PARG: variants seen among roughly 807,000 people sequenced by gnomAD.
PARG encodes the protein poly(ADP-ribose) glycohydrolase, also known as mitochondrial poly(ADP-ribose) glycohydrolase.
In PARG, 35 loss-of-function variants were observed where a neutral mutation model predicts 113.0. The observed-to-expected ratio is 0.31, with a 90% CI of 0.24 to 0.41. PARG has a LOEUF of 0.41. PARG is among the 10% of genes least tolerant of loss of function. The pLI is 1.00. For synonymous variants in PARG, 330 were observed against 409.9 expected (o/e 0.81, Z 2.36); for missense variants, 797 against 1,169.4 (o/e 0.68, Z 4.64).
Position 49,933,803 on chromosome 10 carries a change from C to G in PARG, c.645G>C (p.Lys215Asn). 6.2e-7 allele frequency: 1 copy of G among 1,613,414 alleles called. No individual in the cohort carries two copies. The highest frequency in any genetic ancestry group is 8.5e-7 in the Non-Finnish European group (1 of 1,179,400). The change falls in exon 3 of 18, where the codon AAG (lysine) becomes AAC (asparagine). Residue 215 changes from lysine (K) to asparagine (N), a missense_variant. By Grantham distance (94) the Lys-to-Asn change is moderately conservative. Transcript: ENST00000616448. ...RDNQQFLTTV[K>N]LANAKQTTED... ...CTGTAGTCTGCTTTGCATTTGCAAG[C>G]TTTACAGTTGTGAGAAACTGTTGAT...
chr10:49,856,513 A>C (rs1395449843), intron 13 of PARG, among the ~76,000 whole-genome samples: 37 of 152,248 alleles, frequency 2.4e-4, no homozygotes, highest in African/African-American at 8.9e-4. Flanking sequence ...AGGATTCAAA[A>C]TAGGGTAAAC....
intron 7 of PARG, among the ~76,000 whole-genome samples, chr10:49,906,118 C>T (rs1404652317): frequency 6.7e-6 from 1 of 149,174 alleles, no homozygotes; most frequent in Admixed American, 6.7e-5. Context: ...CTGGTAGGTG[C>T]TTTCCCTGAG....
At chr10:49,840,172 T>C (rs530458359) in intron 15 of PARG, among the ~76,000 whole-genome samples, 4 of 152,080 alleles carry the variant, frequency 2.6e-5, no homozygotes, top group Non-Finnish European at 5.9e-5. Context: ...AGGAGATCAC[T>C]TGAGCCCAGG....
At chr10:49,882,728 T>C (rs1195653545) in intron 8 of PARG, among the ~76,000 whole-genome samples, 2 of 145,948 alleles carry the variant, frequency 1.4e-5, no homozygotes, top group Non-Finnish European at 3.0e-5. Flanking sequence ...ATGAACTACA[T>C]ATTGAATTCA....
chr10:49,861,015 A>G (rs1159431837), intron 12 of PARG, among the ~76,000 whole-genome samples: 1 of 150,488 alleles, frequency 6.6e-6, no homozygotes, highest in Non-Finnish European at 1.5e-5. Context: ...ATTAACAAAG[A>G]TTGAGAAGTG....
chr10:49,901,894 C>T (rs1554843831), intron 7 of PARG, among the ~76,000 whole-genome samples: 2 of 152,188 alleles, frequency 1.3e-5, no homozygotes, highest in Non-Finnish European at 2.9e-5. Flanking sequence ...TAGTACATTT[C>T]TATTCAGTCT....
At chr10:49,880,193 ATT>A (rs2132626850) in intron 8 of PARG, among the ~76,000 whole-genome samples, 1 of 152,356 alleles carries the variant, frequency 6.6e-6, no homozygotes, top group African/African-American at 2.4e-5. Context: ...TTTAAGCTAA[ATT>A]TTGTTCTTAT....
chr10:49,941,484 C>G, intron 1 of PARG, 25 bp downstream of exon 1: 1 of 1,512,536 alleles, frequency 6.6e-7, no homozygotes, highest in Non-Finnish European at 9.0e-7. Flanking sequence ...AGGCGAAGGA[C>G]AAAGATTTTT....
chr10:49,858,938 G>A (rs1277286566), intron 12 of PARG, among the ~76,000 whole-genome samples: 2 of 152,096 alleles, frequency 1.3e-5, no homozygotes, highest in African/African-American at 4.8e-5. Flanking sequence ...TATGGTTCCT[G>A]GCCTCACGGC....
intron 7 of PARG, among the ~76,000 whole-genome samples, chr10:49,913,954 C>T (rs1482586844): frequency 5.3e-5 from 8 of 152,148 alleles, no homozygotes; most frequent in African/African-American, 1.9e-4. Flanking sequence ...AAGGACTCTT[C>T]TCCCTAAATA....
intron 2 of PARG, among the ~76,000 whole-genome samples, chr10:49,934,530 G>C (rs1209247754): frequency 6.6e-6 from 1 of 151,760 alleles, no homozygotes; most frequent in Non-Finnish European, 1.5e-5. Context: ...TGTGTCTGTG[G>C]CCACTGCTAC....
chr10:49,924,784 G>A (rs1838069559), intron 4 of PARG, among the ~76,000 whole-genome samples: 1 of 151,950 alleles, frequency 6.6e-6, no homozygotes, highest in African/African-American at 2.4e-5. Context: ...AGAAACGGAA[G>A]TATTTTACCC....
chr10:49,895,433 C>T (rs1848033026), intron 7 of PARG, among the ~76,000 whole-genome samples: 1 of 150,576 alleles, frequency 6.6e-6, no homozygotes, highest in Admixed American at 6.6e-5. Context: ...GATGGAGTTT[C>T]ACTCTTGTTG....
chr10:49,890,571 A>AC (rs1444397716), intron 7 of PARG, among the ~76,000 whole-genome samples: 1 of 151,960 alleles, frequency 6.6e-6, no homozygotes, highest in Non-Finnish European at 1.5e-5. Context: ...TCTCCCTGTG[A>AC]CCCCCAACAC....
At chr10:49,821,177 C>A (rs1057020265) in intron 16 of PARG, among the ~76,000 whole-genome samples, 1 of 152,050 alleles carries the variant, frequency 6.6e-6, no homozygotes, top group East Asian at 1.9e-4. Flanking sequence ...AAAAAACAAT[C>A]GAGATCTACT....
intron 7 of PARG, among the ~76,000 whole-genome samples, chr10:49,907,133 C>T (rs1312283251): frequency 2.0e-5 from 3 of 152,174 alleles, no homozygotes; most frequent in Admixed American, 6.5e-5. Flanking sequence ...TTCCATATTT[C>T]ATTATGCTGG....
chr10:49,844,457 T>C (rs1845403277), intron 13 of PARG, among the ~76,000 whole-genome samples: 1 of 151,912 alleles, frequency 6.6e-6, no homozygotes, highest in African/African-American at 2.4e-5. Context: ...GCTCCGTCTC[T>C]AATAAAAATA....
intron 16 of PARG, 68 bp from the exon 17 acceptor site, chr10:49,820,361 C>G: frequency 9.0e-7 from 1 of 1,109,540 alleles, no homozygotes; most frequent in Non-Finnish European, 1.3e-6. Context: ...AGCTCTTTAC[C>G]AGCTGGTGTG....
intron 7 of PARG, among the ~76,000 whole-genome samples, chr10:49,886,641 C>T (rs1847501397): frequency 1.3e-5 from 2 of 151,838 alleles, no homozygotes. Context: ...AATCACAGCC[C>T]ATATATGAAT....
Sources: allele counts gnomAD v4.1 joint callset (sites outside exome capture counted in the v4.1 genomes callset), GRCh38; gene constraint gnomAD v4.1.1; transcripts MANE v1.5; gene names NCBI Gene and HGNC (gene_info 2026-07-23, HGNC 2026-07-21).